Variants in TRPM2 observed in about 807,000 individuals in gnomAD.
The protein encoded by TRPM2 is transient receptor potential cation channel subfamily M member 2, also known as estrogen-responsive element-associated gene 1 protein.
A neutral mutation model predicts 174.0 loss-of-function variants in TRPM2; 161 were observed. That is an observed-to-expected ratio of 0.93 (90% CI 0.81 to 1.05). The LOEUF is 1.05. TRPM2 is among the 50% of genes least tolerant of loss of function. The probability of loss-of-function intolerance (pLI) is 0.00; values close to 1 mark genes in which losing one functional copy is unlikely to be tolerated. For missense variants in TRPM2, 2,057 were observed against 2,038.0 expected, an observed-to-expected ratio of 1.01 and a Z score of -0.18; for synonymous variants, 954 against 861.3, an observed-to-expected ratio of 1.11 and a Z score of -1.88.
At chr21:44,411,823 A>T (rs763999503) in intron 19 of TRPM2, among the ~76,000 whole-genome samples, 1 of 152,220 alleles carries the variant, frequency 6.6e-6, no homozygotes, top group Non-Finnish European at 1.5e-5. Flanking sequence ...AGACTTTGTC[A>T]GCTGCTTCTC....
At chr21:44,386,414 C>CA (rs1026470890) in intron 9 of TRPM2, among the ~76,000 whole-genome samples, 5 of 148,702 alleles carry the variant, frequency 3.4e-5, no homozygotes, top group Admixed American at 6.7e-5. Flanking sequence ...CCCCCACCAC[C>CA]AAAAAAAAAT....
chr21:44,441,624 G>T (rs537951348), intron 31 of TRPM2, 68 bp from the exon 32 acceptor site: 1 of 1,532,470 alleles, frequency 6.5e-7, no homozygotes, highest in Non-Finnish European at 8.8e-7. Flanking sequence ...GAAGGCTGCA[G>T]TCCGTAGGGC....
intron 27 of TRPM2, among the ~76,000 whole-genome samples, chr21:44,428,673 TGGCTCCTCCCTG>T: frequency 3.6e-5 from 1 of 27,580 alleles, no homozygotes; most frequent in African/African-American, 7.1e-5. Context: ...CCCTTAGGTC[TGGCTCCTCCCTG>T]AGGTGTGGCT....
upstream of TRPM2, among the ~76,000 whole-genome samples, chr21:44,351,201 C>T (rs2047921457): frequency 6.6e-6 from 1 of 152,230 alleles, no homozygotes; most frequent in African/African-American, 2.4e-5. Context: ...GTCGCCTGGT[C>T]CTGGGCTCGC....
chr21:44,400,746 GTGCCTC>G (rs67377960), intron 15 of TRPM2, among the ~76,000 whole-genome samples: 85,112 of 151,464 alleles, frequency 0.56, 25,784 homozygotes, highest in East Asian at 0.74. Flanking sequence ...CTGCGGCTGA[GTGCCTC>G]CCTGTCCTCG....
rs1016571417 is a variant in TRPM2 at position 44,439,137 on chromosome 21, C to G, written c.4238C>G (p.Ser1413Cys). Residue 1413 changes from serine to cysteine, a missense_variant, in exon 30 of 32, where the codon TCT becomes TGT. Coordinates refer to ENST00000397928, the MANE Select transcript of TRPM2 (RefSeq NM_003307.4). The surrounding 1 kb of genome is among the most constrained non-coding windows in gnomAD (Gnocchi z 5.1). ...KRILRQEHWP[S>C]FENLLKCGME... is the part of the protein sequence containing the mutation. ...ATCCTCCGGCAGGAGCACTGGCCGT[C>G]TTTTGAAAACTTGCTGAAGTGCGGC... is the stretch of plus-strand genomic sequence containing the variant. 1 of 1,613,680 alleles carries G rather than the reference C, an allele frequency of 6.2e-7. No homozygotes were observed. The highest frequency in any genetic ancestry group is 1.3e-5 in the African/African-American group (1 of 74,932).
At chr21:44,355,062 C>T (rs970789375) in intron 2 of TRPM2, among the ~76,000 whole-genome samples, 2 of 152,066 alleles carry the variant, frequency 1.3e-5, no homozygotes, top group African/African-American at 4.8e-5. Context: ...CTCATTTCCA[C>T]ACCTGCCCCC....
At chr21:44,401,590 G>T in intron 15 of TRPM2, 91 bp from the exon 16 acceptor site, 1 of 1,346,794 alleles carries the variant, frequency 7.4e-7, no homozygotes, top group East Asian at 2.3e-5. Context: ...CTCTCTGAGG[G>T]GCACGGGGGA....
At position 44,354,990 on chromosome 21, in the gene TRPM2, C is replaced by T. The variant is rs2048013656; in HGVS notation, c.254+254C>T. Among the ~76,000 whole-genome samples the T allele has an allele frequency of 6.6e-6, 1 of 151,984 alleles. No individual in the cohort carries two copies. The highest frequency in any genetic ancestry group is 2.1e-4 in the South Asian group (1 of 4,832). ...AGAGTTTAGGTGACTTGTTCAGGGT[C>T]ATAAGGGCACTGTCGCGCGGCGAGG... On this transcript the variant is annotated intron_variant, in intron 2 of 31. Coordinates refer to ENST00000397928, the MANE Select transcript of TRPM2 (RefSeq NM_003307.4). The surrounding 1 kb of genome is among the most constrained non-coding windows in gnomAD (Gnocchi z 4.3).
At chr21:44,409,636 C>T (rs894900585) in intron 19 of TRPM2, among the ~76,000 whole-genome samples, 53 of 141,122 alleles carry the variant, frequency 3.8e-4, no homozygotes, top group African/African-American at 9.9e-4. Context: ...ACTGTCTTGG[C>T]GTAGCCTTGT....
chr21:44,418,180 A>C (rs1489756966), intron 21 of TRPM2, 72 bp downstream of exon 21: 1 of 1,540,626 alleles, frequency 6.5e-7, no homozygotes, highest in African/African-American at 1.4e-5. Context: ...ATGGCATGGC[A>C]GCTCTGCCCA....
rs1049118335 is a variant in TRPM2 at position 44,432,918 on chromosome 21, G to A, written c.3975-2213G>A. ...ATGGACGGGCCTATGCCTTGATGTC[G>A]TGATGGAACTACCGGGCACGTGGCA... On this transcript the variant is annotated intron_variant, in intron 27 of 31. Coordinates refer to ENST00000397928, the MANE Select transcript of TRPM2 (RefSeq NM_003307.4). This position sits in a 1 kb window ranked among gnomAD's most constrained non-coding sequence, Gnocchi z 4.9. Among the ~76,000 whole-genome samples, 11 of 152,166 alleles carry A rather than the reference G, an allele frequency of 7.2e-5. No homozygotes were observed. Among genetic ancestry groups the A allele is most frequent in the Middle Eastern group, 3.2e-3 (1 of 316 alleles).
Position 44,401,744 on chromosome 21 carries a change from C to T in TRPM2, c.2385C>T (p.Pro795=), listed in dbSNP as rs772309621. Residue 795 remains proline, a synonymous_variant, in exon 16 of 32, where the codon CCC becomes CCT. Transcript: ENST00000397928. ...GCGCCCGTGCCTTCTTCACCGCACC[C>T]GTGGTGGTCTTCCACCTGAACATCC... ...AARARAFFTA[P]VVVFHLNILS... The T allele has an allele frequency of 1.1e-5, 17 of 1,613,510 alleles. No homozygotes were observed. The highest frequency in any genetic ancestry group is 6.7e-5 in the East Asian group (3 of 44,890).
intron 26 of TRPM2, 52 bp from the exon 27 acceptor site, chr21:44,426,958 C>G (rs2050812413): frequency 6.6e-7 from 1 of 1,523,130 alleles, no homozygotes; most frequent in South Asian, 1.2e-5. Flanking sequence ...CCTGTCTGCT[C>G]TGTCCCACCT....
Position 44,441,912 on chromosome 21 carries a change from C to T in TRPM2, c.*95C>T. On this transcript the variant is annotated 3_prime_UTR_variant, in exon 32 of 32. Transcript: ENST00000397928. Reference sequence around the variant, plus strand: ...AGCCTGGCCAGGACTCAGGCTGTTCCTGGGCCCTGCACATGATGGGGTTTG... The same window carrying T: ...AGCCTGGCCAGGACTCAGGCTGTTCTTGGGCCCTGCACATGATGGGGTTTG... The T allele has an allele frequency of 6.9e-7, 1 of 1,446,894 alleles. No homozygotes were observed. Among genetic ancestry groups the T allele is most frequent in the Non-Finnish European group, 9.1e-7 (1 of 1,099,212 alleles). The allele number at this position is 1,446,894 out of a possible 1,614,324, so 89.6% of individuals were successfully genotyped here.
At chr21:44,380,808 C>G (rs1348852641) in intron 8 of TRPM2, among the ~76,000 whole-genome samples, 1 of 152,202 alleles carries the variant, frequency 6.6e-6, no homozygotes, top group African/African-American at 2.4e-5. Context: ...CCTCGCTCAG[C>G]CTTGCCTTTC....
intron 4 of TRPM2, 49 bp from the exon 5 acceptor site, chr21:44,369,128 A>G (rs1602143549): frequency 6.6e-7 from 1 of 1,508,994 alleles, no homozygotes; most frequent in Non-Finnish European, 8.9e-7. Flanking sequence ...CCTGGGTGTC[A>G]GGTGCCCCTC....
chr21:44,435,037 C>A lies in TRPM2; in HGVS notation c.3975-94C>A. ...ATGCTGTCCCGCTGTGCGCCGGCTC[C>A]TGACGCCCGCTGTCCCCTCTCAGTC... On this transcript the variant is annotated intron_variant, in intron 27 of 31. Coordinates refer to ENST00000397928, the MANE Select transcript of TRPM2 (RefSeq NM_003307.4). 3.1e-6 allele frequency: 4 copies of A among 1,278,944 alleles called. No individual in the cohort carries two copies. The African/African-American group carries it at 4.4e-5, about 14-fold the overall frequency. 79.2% of individuals were successfully genotyped at this position (1,278,944 alleles called of 1,614,324 possible). A position where few individuals can be genotyped will look rare whatever the true frequency, so the allele number is the denominator to read the frequency against.
chr21:44,399,185 C>A lies in TRPM2; in HGVS notation c.2063-111C>A, dbSNP rs1262363299. The A allele has an allele frequency of 2.1e-6, 3 of 1,405,668 alleles. No homozygotes were observed. Among genetic ancestry groups the A allele is most frequent in the African/African-American group, 2.9e-5 (2 of 69,506 alleles). The allele number at this position is 1,405,668 out of a possible 1,614,324, so 87.1% of individuals were successfully genotyped here. On this transcript the variant is annotated intron_variant, in intron 13 of 31. Coordinates refer to ENST00000397928, the MANE Select transcript of TRPM2 (RefSeq NM_003307.4). This position sits in a 1 kb window ranked among gnomAD's most constrained non-coding sequence, Gnocchi z 4.6. ...ACACCAGCCCCACATTTGCCCTGTG[C>A]CCTTCCCTGTGTCCTGGTGGTGCTG...
Sources: gnomAD v4.1 joint callset for allele counts (sites outside exome capture counted in the v4.1 genomes callset) on GRCh38, gnomAD v4.1.1 for gene constraint, Gnocchi (gnomAD v3.1) non-coding constraint, MANE v1.5 for transcripts, NCBI Gene and HGNC (gene_info 2026-07-23, HGNC 2026-07-21) for gene names.